Variants in ARB2A observed in about 807,000 individuals in gnomAD.
ARB2A encodes the protein ARB2 cotranscriptional regulator A, also known as cotranscriptional regulator ARB2A.
the ARB2A span, among the ~76,000 whole-genome samples, chr5:94,057,876 T>C: frequency 2.6e-5 from 4 of 152,318 alleles, no homozygotes; most frequent in Admixed American, 6.5e-5. Flanking sequence ...GTTGAGCTGA[T>C]GATACAGAGA....
chr5:93,901,558 C>G, the ARB2A span, among the ~76,000 whole-genome samples: 4 of 152,224 alleles, frequency 2.6e-5, no homozygotes, highest in Non-Finnish European at 4.4e-5. Flanking sequence ...AAATTCAATA[C>G]TACCTCAAAA....
chr5:93,652,993 A>G, the ARB2A span, among the ~76,000 whole-genome samples: 1 of 152,182 alleles, frequency 6.6e-6, no homozygotes, highest in African/African-American at 2.4e-5. Context: ...GATGTTTTCT[A>G]TCGGCTTTAA....
chr5:93,809,711 T>A, the ARB2A span, among the ~76,000 whole-genome samples: 1 of 152,030 alleles, frequency 6.6e-6, no homozygotes, highest in Non-Finnish European at 1.5e-5. Flanking sequence ...AGTAGCAGGT[T>A]AATTATAGGG....
chr5:94,001,688 G>A, the ARB2A span, among the ~76,000 whole-genome samples: 1 of 151,530 alleles, frequency 6.6e-6, no homozygotes, highest in Non-Finnish European at 1.5e-5. Flanking sequence ...CCATCTTTTT[G>A]CTTACATTGC....
the ARB2A span, among the ~76,000 whole-genome samples, chr5:93,922,509 A>G: frequency 6.7e-6 from 1 of 150,112 alleles, no homozygotes; most frequent in African/African-American, 2.5e-5. Flanking sequence ...TCTCTACTAA[A>G]AATATTTTTT....
chr5:93,691,999 C>T, the ARB2A span, among the ~76,000 whole-genome samples: 1 of 152,148 alleles, frequency 6.6e-6, no homozygotes, highest in Admixed American at 6.5e-5. Flanking sequence ...ACCACCAGGC[C>T]TACCTTACAA....
the ARB2A span, among the ~76,000 whole-genome samples, chr5:93,807,088 AT>A: frequency 1.3e-5 from 2 of 151,992 alleles, no homozygotes; most frequent in African/African-American, 4.8e-5. Context: ...GGAGGAGGAT[AT>A]TGTCCTACAT....
chr5:93,771,568 C>G, the ARB2A span, among the ~76,000 whole-genome samples: 2 of 152,058 alleles, frequency 1.3e-5, no homozygotes, highest in African/African-American at 4.8e-5. Context: ...TGACAAAGGG[C>G]TAATATCCAG....
the ARB2A span, among the ~76,000 whole-genome samples, chr5:93,787,524 G>T: frequency 6.6e-6 from 1 of 151,860 alleles, no homozygotes; most frequent in African/African-American, 2.4e-5. Flanking sequence ...GGAAATGTAG[G>T]CAAAACTTGT....
At chr5:93,690,510 C>T in the ARB2A span, among the ~76,000 whole-genome samples, 7 of 152,272 alleles carry the variant, frequency 4.6e-5, no homozygotes, top group South Asian at 1.5e-3. Flanking sequence ...CTAAATTCCT[C>T]CTCTCTGGGC....
At chr5:94,055,772 C>CA in the ARB2A span, 1 of 985,378 alleles carries the variant, frequency 1.0e-6, no homozygotes, top group Non-Finnish European at 1.2e-6. Context: ...GGCTCTGGGA[C>CA]AAAATCAGAT....
chr5:93,838,748 A>G, the ARB2A span, among the ~76,000 whole-genome samples: 1 of 152,012 alleles, frequency 6.6e-6, no homozygotes, highest in Non-Finnish European at 1.5e-5. Flanking sequence ...CTCATTGGGG[A>G]GACCTTTTAC....
the ARB2A span, among the ~76,000 whole-genome samples, chr5:93,746,488 T>C: frequency 4.6e-5 from 7 of 152,330 alleles, no homozygotes; most frequent in East Asian, 1.4e-3. Flanking sequence ...TAATTTCAGA[T>C]TAAGATTATG....
chr5:93,826,175 G>T, the ARB2A span, among the ~76,000 whole-genome samples: 1 of 152,118 alleles, frequency 6.6e-6, no homozygotes, highest in African/African-American at 2.4e-5. Flanking sequence ...AAACTAAAAT[G>T]TGAAATAATA....
chr5:93,756,947 C>T, the ARB2A span, among the ~76,000 whole-genome samples: 4 of 152,038 alleles, frequency 2.6e-5, no homozygotes, highest in Admixed American at 1.3e-4. Flanking sequence ...CAGAGAAAGG[C>T]GAAGTCCAAT....
the ARB2A span, among the ~76,000 whole-genome samples, chr5:93,672,913 A>C: frequency 3.3e-5 from 5 of 152,168 alleles, no homozygotes; most frequent in African/African-American, 4.8e-5. Flanking sequence ...TGTTATCCTC[A>C]GTTTCTCGCA....
At chr5:93,851,289 T>A in the ARB2A span, among the ~76,000 whole-genome samples, 4,749 of 152,260 alleles carry the variant, frequency 0.031, 137 homozygotes, top group East Asian at 0.14. Flanking sequence ...CTCCTGCCTA[T>A]TTGCATTCCT....
the ARB2A span, among the ~76,000 whole-genome samples, chr5:94,031,640 T>G: frequency 6.6e-6 from 1 of 152,100 alleles, no homozygotes; most frequent in Non-Finnish European, 1.5e-5. Flanking sequence ...CACAGGCCAT[T>G]TGCTAAAAGA....
At chr5:93,655,918 C>T in the ARB2A span, among the ~76,000 whole-genome samples, 341 of 152,266 alleles carry the variant, frequency 2.2e-3, no homozygotes, top group African/African-American at 7.8e-3. Flanking sequence ...TACTAATATA[C>T]GAAATCATTT....
Sources: allele counts gnomAD v4.1 joint callset (sites outside exome capture counted in the v4.1 genomes callset), GRCh38; gene constraint gnomAD v4.1.1; transcripts MANE v1.5; gene names NCBI Gene and HGNC (gene_info 2026-07-23, HGNC 2026-07-21).